The following TOPAZ1 variants were observed in gnomAD, a reference collection of about 807,000 sequenced individuals.
The protein encoded by TOPAZ1 is testis and ovary specific TOPAZ 1.
In TOPAZ1, 66 loss-of-function variants were observed where a neutral mutation model predicts 172.2. The ratio of observed to expected loss-of-function variants is 0.38; its 90% CI spans 0.31 to 0.47. TOPAZ1 has a LOEUF of 0.47. Ranked by LOEUF, TOPAZ1 falls within the 20% of genes least tolerant of loss-of-function variation. The pLI is 0.99. For synonymous variants in TOPAZ1, 681 were observed against 683.9 expected (o/e 1.00, Z 0.07); for missense variants, 1,822 against 1,972.4 (o/e 0.92, Z 1.44).
At chr3:44,311,008 A>G (rs1700391900) in intron 16 of TOPAZ1, among the ~76,000 whole-genome samples, 1 of 152,202 alleles carries the variant, frequency 6.6e-6, no homozygotes, top group Non-Finnish European at 1.5e-5. Flanking sequence ...TTTATTTGAT[A>G]AAGTGGGATA....
At chr3:44,333,867 G>A (rs190743649), downstream of TOPAZ1, among the ~76,000 whole-genome samples, 1 of 152,290 alleles carries the variant, frequency 6.6e-6, no homozygotes, top group Admixed American at 6.5e-5. Context: ...GATGCAGCAG[G>A]GCGCTTCAGC....
intron 2 of TOPAZ1, among the ~76,000 whole-genome samples, chr3:44,253,811 T>C (rs1295803126): frequency 1.3e-5 from 2 of 152,238 alleles, no homozygotes; most frequent in African/African-American, 4.8e-5. Flanking sequence ...AATGTTTTGT[T>C]TAGTTTTCAT....
chr3:44,263,210 T>C (rs1699794065), intron 5 of TOPAZ1, among the ~76,000 whole-genome samples: 1 of 152,146 alleles, frequency 6.6e-6, no homozygotes, highest in Non-Finnish European at 1.5e-5. Context: ...TAAATTGGCA[T>C]AGAAGGTTTA....
intron 8 of TOPAZ1, among the ~76,000 whole-genome samples, chr3:44,278,143 G>C (rs1699984388): frequency 6.6e-6 from 1 of 152,042 alleles, no homozygotes; most frequent in South Asian, 2.1e-4. Flanking sequence ...TGATCATATG[G>C]TTTTTGTCCT....
chr3:44,322,578 A>C, intron 17 of TOPAZ1, among the ~76,000 whole-genome samples: 1 of 152,092 alleles, frequency 6.6e-6, no homozygotes, highest in Non-Finnish European at 1.5e-5. Context: ...AATATGTAAG[A>C]TAGGTTGGGC....
chr3:44,251,523 T>C (rs1300510840), intron 2 of TOPAZ1, among the ~76,000 whole-genome samples: 1 of 152,240 alleles, frequency 6.6e-6, no homozygotes, highest in Non-Finnish European at 1.5e-5. Context: ...ACAATAAAGA[T>C]CTGTTTTATA....
intron 9 of TOPAZ1, among the ~76,000 whole-genome samples, chr3:44,283,808 C>A (rs1006020284): frequency 6.6e-6 from 1 of 152,186 alleles, no homozygotes; most frequent in East Asian, 1.9e-4. Flanking sequence ...TTAAGTTGCA[C>A]GCATCATGGC....
rs1209841317 is a variant in TOPAZ1 at position 44,242,256 on chromosome 3, C to T, written c.203C>T (p.Ser68Leu). The part of the protein sequence containing the change: ...PGRGEVESDK[S>L]VAASGAGKAA... Reference sequence around the variant, plus strand: ...AGAGGCGAGGTGGAAAGTGATAAGTCGGTTGCAGCATCAGGGGCTGGAAAG... The same window carrying T: ...AGAGGCGAGGTGGAAAGTGATAAGTTGGTTGCAGCATCAGGGGCTGGAAAG... The change falls in exon 1 of 20, where the codon TCG becomes TTG. Residue 68 changes from serine (S) to leucine (L), a missense_variant. This residue lies in a region of TOPAZ1 where 1,489 missense variants were observed against 1,490.8 expected (regional missense o/e 1.00). Coordinates refer to ENST00000309765, the MANE Select transcript of TOPAZ1 (RefSeq NM_001145030.2). 2.6e-6 allele frequency: 4 copies of T among 1,548,786 alleles called. No homozygotes were observed. Among genetic ancestry groups the T allele is most frequent in the Non-Finnish European group, 2.6e-6 (3 of 1,146,214 alleles).
At chr3:44,247,734 A>G (rs953117948) in intron 2 of TOPAZ1, among the ~76,000 whole-genome samples, 12 of 151,854 alleles carry the variant, frequency 7.9e-5, no homozygotes, top group South Asian at 4.2e-4. Context: ...ACTGCAACCT[A>G]TGCCTCCCAG....
chr3:44,278,753 G>A (rs769174902), intron 8 of TOPAZ1, among the ~76,000 whole-genome samples: 3 of 147,420 alleles, frequency 2.0e-5, no homozygotes, highest in Non-Finnish European at 4.5e-5. Flanking sequence ...TTAGCTAGCA[G>A]TTTATCAATT....
intron 11 of TOPAZ1, 93 bp downstream of exon 11, chr3:44,287,932 C>T (rs893416740): frequency 1.4e-5 from 9 of 632,236 alleles, no homozygotes; most frequent in Non-Finnish European, 2.2e-5. Context: ...GCCTTTTATT[C>T]ACATTCTGGA....
chr3:44,261,749 A>G (rs1200550405), intron 4 of TOPAZ1, among the ~76,000 whole-genome samples: 1 of 152,136 alleles, frequency 6.6e-6, no homozygotes, highest in Non-Finnish European at 1.5e-5. Context: ...TCTGGGCAGT[A>G]TGGCCATTTT....
intron 11 of TOPAZ1, 85 bp from the exon 12 acceptor site, chr3:44,290,686 G>A: frequency 1.3e-6 from 1 of 754,488 alleles, no homozygotes; most frequent in Non-Finnish European, 2.2e-6. Context: ...TCTTCCATTA[G>A]TGTCTTAGTT....
Position 44,243,113 on chromosome 3 carries a change from T to C in TOPAZ1, c.607T>C (p.Tyr203His). Residue 203 changes from tyrosine (Y) to histidine (H), a missense_variant, in exon 2 of 20, where the codon TAC becomes CAC. By Grantham distance (83) the Tyr-to-His change is moderately conservative. This residue lies in a region of TOPAZ1 where 1,489 missense variants were observed against 1,490.8 expected (regional missense o/e 1.00). Coordinates refer to ENST00000309765, the MANE Select transcript of TOPAZ1 (RefSeq NM_001145030.2). ...TAAGGTTGAATTCCAAGATGAACTG[T>C]ACAAGAATACTCCAAAATATTCTTG... ...NIKVEFQDELYKNTPKYSCNI... is the reference protein window; with the variant it reads ...NIKVEFQDELHKNTPKYSCNI... 1 of 1,550,152 alleles carries C rather than the reference T, an allele frequency of 6.5e-7. No individual in the cohort carries two copies. The highest frequency in any genetic ancestry group is 8.7e-7 in the Non-Finnish European group (1 of 1,146,256).
intron 2 of TOPAZ1, among the ~76,000 whole-genome samples, chr3:44,252,813 T>C (rs1357083864): frequency 8.6e-6 from 1 of 116,924 alleles, no homozygotes; most frequent in Non-Finnish European, 1.9e-5. Flanking sequence ...GGCGTCTTCA[T>C]TTGGGTCTCC....
At position 44,243,592 on chromosome 3, in the gene TOPAZ1, A is replaced by C; in HGVS notation, c.1086A>C (p.Glu362Asp). ...EYNKSELMLQ[E>D]NQMIADGKEA... ...ACAAGTCTGAGTTGATGTTGCAAGAAAATCAAATGATTGCTGATGGTAAAG... is the reference window on the plus strand; with the variant it reads ...ACAAGTCTGAGTTGATGTTGCAAGACAATCAAATGATTGCTGATGGTAAAG... Residue 362 changes from glutamate (E) to aspartate (D), a missense_variant, in exon 2 of 20, where the codon GAA becomes GAC. Around this residue, in one of 2 missense-constraint regions of TOPAZ1, gnomAD observed 1,489 missense variants for 1,490.8 expected, o/e 1.00. Transcript: ENST00000309765. The C allele has an allele frequency of 6.4e-7, 1 of 1,550,834 alleles. No homozygotes were observed. Among genetic ancestry groups the C allele is most frequent in the Non-Finnish European group, 8.7e-7 (1 of 1,146,970 alleles).
At chr3:44,292,141 TC>T (rs948354660) in intron 12 of TOPAZ1, among the ~76,000 whole-genome samples, 1 of 152,198 alleles carries the variant, frequency 6.6e-6, no homozygotes, top group Non-Finnish European at 1.5e-5. Context: ...TAGTACTTCT[TC>T]CCTTCAATCA....
chr3:44,310,886 A>T (rs1411918045), intron 16 of TOPAZ1, among the ~76,000 whole-genome samples: 1 of 152,276 alleles, frequency 6.6e-6, no homozygotes, highest in Non-Finnish European at 1.5e-5. Context: ...AAATTAAGCC[A>T]GCAGGAACAA....
chr3:44,283,497 A>ACCATTTGGTGCACAAGAG (rs1700044360), intron 9 of TOPAZ1, among the ~76,000 whole-genome samples: 1 of 152,224 alleles, frequency 6.6e-6, no homozygotes, highest in Non-Finnish European at 1.5e-5. Flanking sequence ...CACAAGAGGA[A>ACCATTTGGTGCACAAGAG]GAAGCTGAGT....
Sources: allele counts gnomAD v4.1 joint callset (sites outside exome capture counted in the v4.1 genomes callset), GRCh38; gene constraint gnomAD v4.1.1; regional missense constraint gnomAD v4.1.1; transcripts MANE v1.5; gene names NCBI Gene and HGNC (gene_info 2026-07-23, HGNC 2026-07-21).